Variants in TRMT61A observed in about 807,000 individuals in gnomAD.
The protein encoded by TRMT61A is tRNA methyltransferase 61A.
A neutral mutation model predicts 21.3 loss-of-function variants in TRMT61A; 15 were observed. The ratio of observed to expected loss-of-function variants is 0.70; its 90% CI spans 0.47 to 1.08. The LOEUF (loss-of-function observed/expected upper bound fraction) is 1.08, where lower values mean the gene tolerates loss of function less well. Among genes scored for constraint, TRMT61A ranks in the 50% least tolerant of loss-of-function variants. The pLI is 0.00. For synonymous variants in TRMT61A, 183 were observed against 185.5 expected, an observed-to-expected ratio of 0.99 and a Z score of 0.11; for missense variants, 352 against 426.7, an observed-to-expected ratio of 0.83 and a Z score of 1.54.
At chr14:103,532,225 C>G (rs2075956918) in intron 2 of TRMT61A, among the ~76,000 whole-genome samples, 1 of 152,106 alleles carries the variant, frequency 6.6e-6, no homozygotes, top group African/African-American at 2.4e-5. Context: ...CCTCCCTGTC[C>G]CCCTTGCACA....
chr14:103,534,458 A>G, intron 3 of TRMT61A, 92 bp from the exon 4 acceptor site: 1 of 1,427,300 alleles, frequency 7.0e-7, no homozygotes, highest in Non-Finnish European at 9.3e-7. Flanking sequence ...GGCTGGCCTC[A>G]GACCCTAGGG....
chr14:103,534,878 G>C lies in TRMT61A; in HGVS notation c.*57G>C. On this transcript the variant is annotated 3_prime_UTR_variant, in exon 4 of 4. Transcript: ENST00000389749. ...GAGCACTGAAGGGCTGGGCAGGGAG[G>C]CCAGAGGCACCTTATATGGTCAGCG... 1 of 1,525,072 alleles carries C rather than the reference G, an allele frequency of 6.6e-7. No individual in the cohort carries two copies. Among genetic ancestry groups the C allele is most frequent in the South Asian group, 1.2e-5 (1 of 83,090 alleles). The allele number at this position is 1,525,072 out of a possible 1,614,324, so 94.5% of individuals were successfully genotyped here. A position where few individuals can be genotyped will look rare whatever the true frequency, so the allele number is the denominator to read the frequency against.
chr14:103,534,929 G>A lies in TRMT61A; in HGVS notation c.*108G>A. The A allele has an allele frequency of 6.9e-7, 1 of 1,456,234 alleles. No individual in the cohort carries two copies. Among genetic ancestry groups the A allele is most frequent in the Non-Finnish European group, 9.3e-7 (1 of 1,074,714 alleles). 90.2% of individuals were successfully genotyped at this position (1,456,234 alleles called of 1,614,324 possible). The stretch of plus-strand genomic sequence containing the variant: ...ATGCCTGCCAGACACAGACGGTGGG[G>A]TGGGGCTTGGGGGCCTCCTGGGTGG... On this transcript the variant is annotated 3_prime_UTR_variant, in exon 4 of 4. Coordinates refer to ENST00000389749, the MANE Select transcript of TRMT61A (RefSeq NM_152307.3).
chr14:103,530,774 G>A (rs1201008849), intron 2 of TRMT61A, among the ~76,000 whole-genome samples: 1 of 152,212 alleles, frequency 6.6e-6, no homozygotes, highest in Non-Finnish European at 1.5e-5. Context: ...ATGAATGTGA[G>A]CACCATTGTT....
At chr14:103,532,095 G>T (rs1299219561) in intron 2 of TRMT61A, among the ~76,000 whole-genome samples, 5 of 152,086 alleles carry the variant, frequency 3.3e-5, no homozygotes, top group Non-Finnish European at 1.5e-5. Flanking sequence ...TGTCTCAAGG[G>T]GACCAAGGAG....
rs1328558384 is a variant in TRMT61A at position 103,535,689 on chromosome 14, G to A, written c.*868G>A. ...GAGGAGGTCCCTCCACAGTGACAACGGTGTGGGGTAGGGGAGGTGCATTCA... is the reference window on the plus strand; with the variant it reads ...GAGGAGGTCCCTCCACAGTGACAACAGTGTGGGGTAGGGGAGGTGCATTCA... On this transcript the variant is annotated 3_prime_UTR_variant, in exon 4 of 4. Transcript: ENST00000389749. 9 of 282,682 alleles carry A rather than the reference G, an allele frequency of 3.2e-5. No homozygotes were observed. Among genetic ancestry groups the A allele is most frequent in the Non-Finnish European group, 5.6e-5 (8 of 142,178 alleles). 17.5% of individuals were successfully genotyped at this position (282,682 alleles called of 1,614,324 possible). A position where few individuals can be genotyped will look rare whatever the true frequency, so the allele number is the denominator to read the frequency against.
In TRMT61A at chr14:103,530,309, G is replaced by A. The variant is rs2075949690; in HGVS notation, c.331G>A (p.Gly111Ser). 6.3e-7 allele frequency: 1 copy of A among 1,579,628 alleles called. No homozygotes were observed. The highest frequency in any genetic ancestry group is 8.7e-7 in the Non-Finnish European group (1 of 1,154,554). Residue 111 changes from glycine to serine, a missense_variant and splice_region_variant, in exon 2 of 4, where the codon GGC becomes AGC. Transcript: ENST00000389749. ...LRPGSVVCESGTGSGSVSHAI... is the reference protein window; with the variant it reads ...LRPGSVVCESSTGSGSVSHAI... ...GCCCGGCTCTGTGGTCTGTGAGTCT[G>A]GTGAGTTCCTCAGGCTGCCTCAGTT...
rs529305709 is a variant in TRMT61A at position 103,533,241 on chromosome 14, G to A, written c.598+393G>A. Among the ~76,000 whole-genome samples, 8 of 152,352 alleles carry A rather than the reference G, an allele frequency of 5.3e-5. No individual in the cohort carries two copies. The South Asian group carries it at 1.4e-3, about 28-fold the overall frequency. On this transcript the variant is annotated intron_variant, in intron 3 of 3. Transcript: ENST00000389749. The stretch of plus-strand genomic sequence containing the variant: ...TAGGGAAGATGCTGGGTGCGGAGGC[G>A]GGGCAGCCCTGGGGAAGGTCGGGCC...
chr14:103,530,221 G>T lies in TRMT61A; in HGVS notation c.243G>T (p.Pro81=). 5.0e-6 allele frequency: 8 copies of T among 1,611,824 alleles called. No individual in the cohort carries two copies. The highest frequency in any genetic ancestry group is 6.8e-6 in the Non-Finnish European group (8 of 1,178,936). ...PTPELWTLNL[P]HRTQILYSTD... is the part of the protein sequence containing the mutation. ...CCGAGCTCTGGACGCTGAACCTGCC[G>T]CACCGCACGCAGATCCTCTACTCCA... is the stretch of plus-strand genomic sequence containing the variant. The change falls in exon 2 of 4, where the codon CCG becomes CCT. Residue 81 remains proline (P), a synonymous_variant. Transcript: ENST00000389749.
In TRMT61A at chr14:103,535,094, CT is replaced by C; in HGVS notation, c.*274del. ...GAAGTATCCACTGCCACAGGCTCCC[CT>C]GGGTGTTGAAGCCAAAGGGTGCAGG... On this transcript the variant is annotated 3_prime_UTR_variant, in exon 4 of 4. Transcript: ENST00000389749. 1.5e-6 allele frequency: 1 copy of C among 672,958 alleles called. No homozygotes were observed. Among genetic ancestry groups the C allele is most frequent in the Non-Finnish European group, 2.7e-6 (1 of 366,196 alleles). The allele number at this position is 672,958 out of a possible 1,614,324, so 41.7% of individuals were successfully genotyped here.
chr14:103,532,068 G>C (rs1318078729), intron 2 of TRMT61A, among the ~76,000 whole-genome samples: 2 of 151,618 alleles, frequency 1.3e-5, no homozygotes, highest in African/African-American at 4.9e-5. Flanking sequence ...GTTTGGGCAG[G>C]CTTGGTGGGG....
rs2142239979 is a variant in TRMT61A, at chr14:103,532,675, A to G, written c.425A>G (p.Glu142Gly). ...GTGGAGTTCCACCAGCAGCGGGCAG[A>G]GAAGGCCCGGGAGGAGTTCCAGGAG... ...HTVEFHQQRA[E>G]KAREEFQEHR... Residue 142 changes from glutamate to glycine, a missense_variant, in exon 3 of 4, where the codon GAG becomes GGG. Coordinates refer to ENST00000389749, the MANE Select transcript of TRMT61A (RefSeq NM_152307.3). 1 of 1,613,424 alleles carries G rather than the reference A, an allele frequency of 6.2e-7. No homozygotes were observed. The highest frequency in any genetic ancestry group is 2.2e-5 in the East Asian group (1 of 44,876).
chr14:103,529,904 C>T (rs1332738423), intron 1 of TRMT61A, 46 bp from the exon 2 acceptor site: 2 of 1,427,028 alleles, frequency 1.4e-6, no homozygotes, highest in African/African-American at 2.8e-5. Context: ...CCTAGGCCCT[C>T]ATCCTGCCTC....
At chr14:103,532,508 G>A in intron 2 of TRMT61A, 74 bp from the exon 3 acceptor site, 2 of 1,582,468 alleles carry the variant, frequency 1.3e-6, no homozygotes, top group Admixed American at 1.7e-5. Flanking sequence ...GTGAGGTGGG[G>A]GTTGTTTCCT....
rs376660789 is a variant in TRMT61A, at chr14:103,532,704, C to G, written c.454C>G (p.Arg152Gly). 4 of 1,612,782 alleles carry G rather than the reference C, an allele frequency of 2.5e-6. No homozygotes were observed. The highest frequency in any genetic ancestry group is 1.3e-5 in the African/African-American group (1 of 74,922). ...EKAREEFQEH[R>G]VGRWVTVRTQ... ...GGCCCGGGAGGAGTTCCAGGAGCAC[C>G]GTGTGGGCCGCTGGGTGACTGTGCG... is the stretch of plus-strand genomic sequence containing the variant. Residue 152 changes from arginine (R) to glycine (G), a missense_variant, in exon 3 of 4, where the codon CGT (arginine) becomes GGT (glycine). Physicochemically the swap from Arg to Gly is moderately radical, Grantham distance 125 (BLOSUM62 -2). Coordinates refer to ENST00000389749, the MANE Select transcript of TRMT61A (RefSeq NM_152307.3).
Position 103,530,174 on chromosome 14 carries a change from G to T in TRMT61A, c.196G>T (p.Val66Leu). The change falls in exon 2 of 4, where the codon GTG becomes TTG. Residue 66 changes from valine to leucine, a missense_variant. Coordinates refer to ENST00000389749, the MANE Select transcript of TRMT61A (RefSeq NM_152307.3). ...SKVTCGRGGW[V>L]YVLHPTPELW... ...GGTGACGTGCGGCCGAGGTGGCTGG[G>T]TGTATGTGCTGCACCCCACGCCCGA... The T allele has an allele frequency of 6.2e-7, 1 of 1,612,798 alleles. No homozygotes were observed. Among genetic ancestry groups the T allele is most frequent in the Non-Finnish European group, 8.5e-7 (1 of 1,179,978 alleles).
chr14:103,535,912 G>A lies in TRMT61A; in HGVS notation c.*1091G>A, dbSNP rs2075972432. 1 of 153,474 alleles carries A rather than the reference G, an allele frequency of 6.5e-6. No homozygotes were observed. The highest frequency in any genetic ancestry group is 2.4e-5 in the African/African-American group (1 of 41,456). The allele number at this position is 153,474 out of a possible 1,614,324, so 9.5% of individuals were successfully genotyped here. The stretch of plus-strand genomic sequence containing the variant: ...TGGAGCTGCCGCTGGTGCCTAGGGG[G>A]CCTGGGTTTCTGCCCAGGCAGCCAG... On this transcript the variant is annotated 3_prime_UTR_variant, in exon 4 of 4. Transcript: ENST00000389749.
chr14:103,534,950 G>T lies in TRMT61A; in HGVS notation c.*129G>T. On this transcript the variant is annotated 3_prime_UTR_variant, in exon 4 of 4. Transcript: ENST00000389749. ...TGGGGTGGGGCTTGGGGGCCTCCTG[G>T]GTGGCCAGAGTGGGACAGCAGGAAG... is the stretch of plus-strand genomic sequence containing the variant. 4 of 1,262,222 alleles carry T rather than the reference G, an allele frequency of 3.2e-6. No individual in the cohort carries two copies. The highest frequency in any genetic ancestry group is 4.5e-6 in the Non-Finnish European group (4 of 897,372). The allele number at this position is 1,262,222 out of a possible 1,614,324, so 78.2% of individuals were successfully genotyped here.
In TRMT61A at chr14:103,529,208, G is replaced by A; in HGVS notation, c.-83G>A. On this transcript the variant is annotated 5_prime_UTR_variant, in exon 1 of 4. Transcript: ENST00000389749. ...CGGAGCCGGAAGTGTTGTGGCCGCC[G>A]CCGCCGCGCGTCGCGGAGGCACGTG... 2 of 283,706 alleles carry A rather than the reference G, an allele frequency of 7.0e-6. No individual in the cohort carries two copies. Among genetic ancestry groups the A allele is most frequent in the Non-Finnish European group, 7.1e-6 (1 of 139,890 alleles). 17.6% of individuals were successfully genotyped at this position (283,706 alleles called of 1,614,324 possible). A position where few individuals can be genotyped will look rare whatever the true frequency, so the allele number is the denominator to read the frequency against.
Sources: allele counts gnomAD v4.1 joint callset (sites outside exome capture counted in the v4.1 genomes callset), GRCh38; gene constraint gnomAD v4.1.1; transcripts MANE v1.5; gene names NCBI Gene and HGNC (gene_info 2026-07-23, HGNC 2026-07-21).